The following PDSS2 variants were observed in gnomAD, a reference collection of about 807,000 sequenced individuals.
The protein encoded by PDSS2 is all trans-polyprenyl-diphosphate synthase PDSS2.
A neutral mutation model predicts 44.5 loss-of-function variants in PDSS2; 31 were observed. That is an observed-to-expected ratio of 0.70 (90% CI 0.52 to 0.94). The LOEUF (loss-of-function observed/expected upper bound fraction) is 0.94. Among genes scored for constraint, PDSS2 ranks in the 40% least tolerant of loss-of-function variants. PDSS2 has a pLI of 0.00. For missense variants in PDSS2, 452 were observed against 482.2 expected (o/e 0.94, Z 0.59); for synonymous variants, 157 against 180.3 (o/e 0.87, Z 1.03).
At chr6:107,284,868 G>A (rs900974138) in intron 2 of PDSS2, among the ~76,000 whole-genome samples, 4 of 152,146 alleles carry the variant, frequency 2.6e-5, no homozygotes, top group Non-Finnish European at 5.9e-5. Flanking sequence ...TGAACACTAT[G>A]TAAAAATATT....
chr6:107,342,735 T>C (rs1033384325), intron 1 of PDSS2, among the ~76,000 whole-genome samples: 1 of 152,092 alleles, frequency 6.6e-6, no homozygotes, highest in Non-Finnish European at 1.5e-5. Flanking sequence ...AAGAAAAATT[T>C]TGAGATTTAT....
At chr6:107,181,349 A>G (rs1771969984) in intron 7 of PDSS2, among the ~76,000 whole-genome samples, 1 of 149,924 alleles carries the variant, frequency 6.7e-6, no homozygotes, top group African/African-American at 2.4e-5. Context: ...CCTAGCCAAC[A>G]TGGTGAAACC....
intron 1 of PDSS2, among the ~76,000 whole-genome samples, chr6:107,418,546 T>G (rs915935134): frequency 1.3e-5 from 2 of 152,010 alleles, no homozygotes; most frequent in Non-Finnish European, 1.5e-5. Context: ...CCAAGGCAGG[T>G]GGATCATTTG....
intron 4 of PDSS2, among the ~76,000 whole-genome samples, chr6:107,224,728 A>C (rs1199638127): frequency 1.3e-5 from 2 of 151,462 alleles, no homozygotes; most frequent in Admixed American, 1.3e-4. Flanking sequence ...TGGTTACACT[A>C]TACGAAATCT....
intron 3 of PDSS2, among the ~76,000 whole-genome samples, chr6:107,266,832 C>T (rs1775426837): frequency 1.3e-5 from 2 of 152,110 alleles, no homozygotes; most frequent in African/African-American, 4.8e-5. Context: ...GAATGCAAAA[C>T]ACCAAGAGTG....
rs138343178 is a variant in PDSS2 at position 107,243,701 on chromosome 6, C to T, written c.702+1847G>A. Among the ~76,000 whole-genome samples the T allele has an allele frequency of 2.7e-3, 414 of 152,178 alleles. 3 individuals carry two copies. Among genetic ancestry groups the T allele is most frequent in the African/African-American group, 8.9e-3 (368 of 41,488 alleles). On this transcript the variant is annotated intron_variant, in intron 4 of 7. Coordinates refer to ENST00000369037, the MANE Select transcript of PDSS2 (RefSeq NM_020381.4). Reference sequence around the variant, plus strand: ...CACTAAAGTACAGAAGATATGGGAGCGGGTACGGGGAAGTGCTGGGTAGAG... The same window carrying T: ...CACTAAAGTACAGAAGATATGGGAGTGGGTACGGGGAAGTGCTGGGTAGAG...
intron 1 of PDSS2, among the ~76,000 whole-genome samples, chr6:107,343,303 G>T (rs750395066): frequency 1.3e-5 from 2 of 152,036 alleles, no homozygotes; most frequent in South Asian, 4.1e-4. Flanking sequence ...TGAAACAAAA[G>T]AATTGACTAT....
At chr6:107,195,827 T>C (rs1772544071) in intron 6 of PDSS2, among the ~76,000 whole-genome samples, 1 of 152,214 alleles carries the variant, frequency 6.6e-6, no homozygotes. Context: ...CCCAAAGTGT[T>C]GGGATTACAG....
chr6:107,189,985 G>A (rs1772315354), intron 7 of PDSS2, among the ~76,000 whole-genome samples: 1 of 152,028 alleles, frequency 6.6e-6, no homozygotes, highest in African/African-American at 2.4e-5. Flanking sequence ...CTGGGAGTCT[G>A]AGGCAAGAGG....
chr6:107,165,604 C>T (rs1459974315), intron 7 of PDSS2, among the ~76,000 whole-genome samples: 1 of 152,100 alleles, frequency 6.6e-6, no homozygotes, highest in Non-Finnish European at 1.5e-5. Flanking sequence ...AGCATGATGC[C>T]TCCAGCTTTG....
intron 3 of PDSS2, among the ~76,000 whole-genome samples, chr6:107,256,907 C>T (rs1582855408): frequency 2.0e-5 from 3 of 151,958 alleles, no homozygotes; most frequent in Admixed American, 6.6e-5. Flanking sequence ...AGAGGCCAGG[C>T]GTGGTGGCTC....
chr6:107,190,947 A>G (rs1212141980), intron 7 of PDSS2, among the ~76,000 whole-genome samples: 1 of 152,056 alleles, frequency 6.6e-6, no homozygotes, highest in Non-Finnish European at 1.5e-5. Flanking sequence ...GCTGGAGTGC[A>G]GTGGCGTGAT....
intron 7 of PDSS2, among the ~76,000 whole-genome samples, chr6:107,171,803 G>C (rs1771587628): frequency 6.6e-6 from 1 of 152,110 alleles, no homozygotes; most frequent in Non-Finnish European, 1.5e-5. Flanking sequence ...TGGGATTACA[G>C]GCGTGAGGCA....
intron 1 of PDSS2, among the ~76,000 whole-genome samples, chr6:107,378,042 TA>T (rs1189814722): frequency 2.1e-5 from 3 of 145,726 alleles, no homozygotes; most frequent in Non-Finnish European, 4.5e-5. Flanking sequence ...ATAATAATAA[TA>T]AAAAAATAAA....
intron 1 of PDSS2, among the ~76,000 whole-genome samples, chr6:107,361,672 G>A (rs1158619137): frequency 6.6e-6 from 1 of 152,150 alleles, no homozygotes; most frequent in African/African-American, 2.4e-5. Flanking sequence ...AATCACTGGT[G>A]CTTTAAAATG....
chr6:107,169,478 C>T (rs1215751633), intron 7 of PDSS2, among the ~76,000 whole-genome samples: 1 of 152,174 alleles, frequency 6.6e-6, no homozygotes, highest in Non-Finnish European at 1.5e-5. Context: ...TCTCTCAACT[C>T]GTCAAAGTCA....
chr6:107,449,860 T>G (rs1288020308), intron 1 of PDSS2, among the ~76,000 whole-genome samples: 1 of 152,206 alleles, frequency 6.6e-6, no homozygotes, highest in African/African-American at 2.4e-5. Flanking sequence ...CATGAGCCAC[T>G]GTGCCTGGTC....
chr6:107,370,351 T>C (rs1472873855), intron 1 of PDSS2, among the ~76,000 whole-genome samples: 2 of 152,236 alleles, frequency 1.3e-5, no homozygotes, highest in Non-Finnish European at 1.5e-5. Flanking sequence ...TTGAATCATT[T>C]ACGCAAGATT....
intron 1 of PDSS2, among the ~76,000 whole-genome samples, chr6:107,402,466 A>ATATACG (rs1554276777): frequency 1.1e-4 from 3 of 26,472 alleles, no homozygotes; most frequent in Admixed American, 3.8e-4. Context: ...ATATATACGT[A>ATATACG]TATATATGTA....
Sources: gnomAD v4.1 joint callset for allele counts (sites outside exome capture counted in the v4.1 genomes callset) on GRCh38, gnomAD v4.1.1 for gene constraint, MANE v1.5 for transcripts, NCBI Gene and HGNC (gene_info 2026-07-23, HGNC 2026-07-21) for gene names.